Variants in SORCS1 observed in about 807,000 individuals in gnomAD.
SORCS1 encodes the protein sortilin related VPS10 domain containing receptor 1, also known as VPS10 domain-containing receptor SorCS1.
In SORCS1, 60 loss-of-function variants were observed where a neutral mutation model predicts 146.1. That is an observed-to-expected ratio of 0.41 (90% confidence interval 0.33 to 0.51). SORCS1 has a LOEUF of 0.51. Among genes scored for constraint, SORCS1 ranks in the 20% least tolerant of loss-of-function variants. The pLI is 0.21. For missense variants in SORCS1, 1,352 were observed against 1,487.6 expected (o/e 0.91, Z 1.50); for synonymous variants, 637 against 584.0 (o/e 1.09, Z -1.31).
intron 2 of SORCS1, among the ~76,000 whole-genome samples, chr10:106,928,952 T>TA (rs1953242144): frequency 6.6e-6 from 1 of 151,100 alleles, no homozygotes; most frequent in South Asian, 2.1e-4. Flanking sequence ...ATTAAAATTA[T>TA]ATATATAATT....
intron 1 of SORCS1, among the ~76,000 whole-genome samples, chr10:107,024,942 AAG>A (rs1564940076): frequency 6.6e-6 from 1 of 152,216 alleles, no homozygotes; most frequent in South Asian, 2.1e-4. Flanking sequence ...TCTATTTTGG[AAG>A]AATCAGCAGA....
chr10:106,715,044 T>C (rs1403654315), intron 6 of SORCS1, among the ~76,000 whole-genome samples: 2 of 152,206 alleles, frequency 1.3e-5, no homozygotes, highest in Non-Finnish European at 2.9e-5. Flanking sequence ...GGTAAAGTGT[T>C]CCTGGTTTGT....
At chr10:106,644,488 T>G (rs972885661) in intron 18 of SORCS1, among the ~76,000 whole-genome samples, 1 of 151,982 alleles carries the variant, frequency 6.6e-6, no homozygotes, top group Non-Finnish European at 1.5e-5. Context: ...TGCCTCAACC[T>G]CCCAAGTAGC....
intron 24 of SORCS1, among the ~76,000 whole-genome samples, chr10:106,594,731 C>T (rs899717193): frequency 2.6e-5 from 4 of 152,188 alleles, no homozygotes; most frequent in African/African-American, 4.8e-5. Context: ...TCAAAGGCTG[C>T]TTATGCTATA....
intron 4 of SORCS1, among the ~76,000 whole-genome samples, chr10:106,762,630 C>T (rs1024480575): frequency 4.0e-5 from 6 of 151,862 alleles, no homozygotes; most frequent in African/African-American, 1.5e-4. Context: ...ATCTCCTGAC[C>T]TCATGATCCG....
At chr10:107,028,586 T>A (rs756027707) in intron 1 of SORCS1, among the ~76,000 whole-genome samples, 1 of 152,196 alleles carries the variant, frequency 6.6e-6, no homozygotes, top group African/African-American at 2.4e-5. Context: ...ATCAATCGGT[T>A]CTCTTTAGAG....
chr10:106,600,002 C>T lies in SORCS1; in HGVS notation c.3166-2552G>A, dbSNP rs369963689. ...ACAGTGTTTCACCATGTTGGCCAGGCTGGTCTCGAACTCCTGACCACAAGT... is the reference window on the plus strand; with the variant it reads ...ACAGTGTTTCACCATGTTGGCCAGGTTGGTCTCGAACTCCTGACCACAAGT... On this transcript the variant is annotated intron_variant, in intron 23 of 25. Transcript: ENST00000263054. 4.3e-3 allele frequency among the ~76,000 whole-genome samples: 648 copies of T among 152,160 alleles called. 6 individuals are homozygous for T. Among genetic ancestry groups the T allele is most frequent in the African/African-American group, 0.015 (607 of 41,512 alleles).
chr10:107,120,793 C>A (rs1966358301), intron 1 of SORCS1, among the ~76,000 whole-genome samples: 1 of 152,220 alleles, frequency 6.6e-6, no homozygotes, highest in Middle Eastern at 3.4e-3. Context: ...TTCAAGCAAA[C>A]CCATTTAATT....
At chr10:107,105,892 G>T (rs975147000) in intron 1 of SORCS1, among the ~76,000 whole-genome samples, 2 of 152,150 alleles carry the variant, frequency 1.3e-5, no homozygotes, top group Non-Finnish European at 2.9e-5. Flanking sequence ...TCTTGTGGTA[G>T]GTCTGAGAAT....
At chr10:106,908,588 G>T (rs1348327381) in intron 2 of SORCS1, among the ~76,000 whole-genome samples, 1 of 152,180 alleles carries the variant, frequency 6.6e-6, no homozygotes, top group Non-Finnish European at 1.5e-5. Context: ...CTGCTCGGGG[G>T]AATGTGTCCC....
chr10:106,822,095 CATTA>C (rs1948064580), intron 3 of SORCS1, among the ~76,000 whole-genome samples: 1 of 150,140 alleles, frequency 6.7e-6, no homozygotes, highest in Admixed American at 6.7e-5. Flanking sequence ...CCTGATTTAT[CATTA>C]ATTAATTTAT....
At chr10:106,961,201 T>C (rs944421074) in intron 1 of SORCS1, among the ~76,000 whole-genome samples, 6 of 152,188 alleles carry the variant, frequency 3.9e-5, no homozygotes, top group African/African-American at 1.4e-4. Flanking sequence ...AAAAGCCTTA[T>C]TTACAGGTAT....
intron 2 of SORCS1, among the ~76,000 whole-genome samples, chr10:106,881,947 T>C (rs188454109): frequency 6.6e-6 from 1 of 152,340 alleles, no homozygotes; most frequent in East Asian, 1.9e-4. Context: ...CTAGGATCTC[T>C]GAGGGCAAGC....
At chr10:107,048,063 G>A (rs368523650) in intron 1 of SORCS1, among the ~76,000 whole-genome samples, 17 of 151,938 alleles carry the variant, frequency 1.1e-4, no homozygotes, top group African/African-American at 3.9e-4. Flanking sequence ...ACTCCTAGGC[G>A]ACAGAATGAG....
intron 17 of SORCS1, among the ~76,000 whole-genome samples, chr10:106,654,808 G>T (rs1240851651): frequency 1.3e-5 from 2 of 152,072 alleles, no homozygotes; most frequent in African/African-American, 4.8e-5. Flanking sequence ...TGCCCATGCT[G>T]GTTGGTCATT....
chr10:106,814,872 G>A (rs1425584598), intron 3 of SORCS1, among the ~76,000 whole-genome samples: 1 of 115,350 alleles, frequency 8.7e-6, no homozygotes, highest in Admixed American at 1.3e-4. Context: ...CCCAGATCGC[G>A]CCACTGCTCT....
chr10:107,041,840 C>T (rs974203430), intron 1 of SORCS1, among the ~76,000 whole-genome samples: 7 of 152,162 alleles, frequency 4.6e-5, no homozygotes, highest in Admixed American at 1.3e-4. Context: ...TAAAGTGCCT[C>T]GATTTCTTTA....
chr10:106,802,033 C>T (rs1005773005), intron 3 of SORCS1, among the ~76,000 whole-genome samples: 18 of 152,274 alleles, frequency 1.2e-4, no homozygotes, highest in South Asian at 6.2e-4. Context: ...TCAAAGTTCA[C>T]GCCATTTGGT....
At chr10:106,603,000 A>AAT (rs1313065056) in intron 23 of SORCS1, among the ~76,000 whole-genome samples, 2 of 152,166 alleles carry the variant, frequency 1.3e-5, no homozygotes, top group Non-Finnish European at 2.9e-5. Context: ...CCAAGGAAGA[A>AAT]ATATATATAT....
Sources: allele counts gnomAD v4.1 joint callset (sites outside exome capture counted in the v4.1 genomes callset), GRCh38; gene constraint gnomAD v4.1.1; transcripts MANE v1.5; gene names NCBI Gene and HGNC (gene_info 2026-07-23, HGNC 2026-07-21).